CCSER1: variants seen among roughly 807,000 people sequenced by gnomAD.
CCSER1 encodes the protein coiled-coil serine rich protein 1.
In CCSER1, 41 loss-of-function variants were observed where a neutral mutation model predicts 82.0. The ratio of observed to expected loss-of-function variants is 0.50; its 90% CI spans 0.39 to 0.65. CCSER1 has a LOEUF of 0.65. Ranked by LOEUF, CCSER1 falls within the 30% of genes least tolerant of loss-of-function variation. The pLI is 0.00. For missense variants in CCSER1, 1,119 were observed against 1,064.2 expected (o/e 1.05, Z -0.72); for synonymous variants, 414 against 383.9 (o/e 1.08, Z -0.92).
intron 10 of CCSER1, among the ~76,000 whole-genome samples, chr4:91,246,474 T>C (rs1034891837): frequency 2.6e-5 from 4 of 152,264 alleles, no homozygotes; most frequent in South Asian, 2.1e-4. Context: ...GCAAGAAGAC[T>C]GGAGATTCCT....
intron 8 of CCSER1, among the ~76,000 whole-genome samples, chr4:90,842,318 T>G (rs780221442): frequency 2.9e-4 from 44 of 152,242 alleles, no homozygotes; most frequent in Non-Finnish European, 5.7e-4. Flanking sequence ...GGTTTTTGTA[T>G]GCTCAAATTT....
intron 10 of CCSER1, among the ~76,000 whole-genome samples, chr4:91,162,029 C>T (rs926856437): frequency 2.6e-5 from 4 of 152,134 alleles, no homozygotes; most frequent in Non-Finnish European, 5.9e-5. Context: ...AAAGGGAATG[C>T]TTGCAGTTTT....
At chr4:90,760,393 A>T (rs571592947) in intron 7 of CCSER1, among the ~76,000 whole-genome samples, 5 of 152,034 alleles carry the variant, frequency 3.3e-5, no homozygotes, top group Non-Finnish European at 7.4e-5. Context: ...AGTCTTCTTC[A>T]GTAATGTTAA....
chr4:90,426,562 T>C (rs1404926633), intron 4 of CCSER1, among the ~76,000 whole-genome samples: 1 of 152,016 alleles, frequency 6.6e-6, no homozygotes, highest in Non-Finnish European at 1.5e-5. Flanking sequence ...TGAAAAACAA[T>C]AGAAGGTGGT....
chr4:90,363,503 A>G (rs940853496), intron 3 of CCSER1, among the ~76,000 whole-genome samples: 1 of 152,038 alleles, frequency 6.6e-6, no homozygotes, highest in Non-Finnish European at 1.5e-5. Flanking sequence ...CCTGACTTTA[A>G]GTGCACTCAT....
chr4:90,350,991 T>C (rs1163888965), intron 3 of CCSER1, among the ~76,000 whole-genome samples: 1 of 152,068 alleles, frequency 6.6e-6, no homozygotes, highest in East Asian at 1.9e-4. Flanking sequence ...TTATGACAAA[T>C]GACTTATAGT....
chr4:90,746,722 T>A (rs540584580), intron 7 of CCSER1, among the ~76,000 whole-genome samples: 38 of 152,360 alleles, frequency 2.5e-4, no homozygotes, highest in African/African-American at 8.7e-4. Flanking sequence ...ATAAATATTA[T>A]CTTTTTCAAG....
At chr4:91,193,943 T>C (rs1052372285) in intron 10 of CCSER1, among the ~76,000 whole-genome samples, 1 of 152,158 alleles carries the variant, frequency 6.6e-6, no homozygotes, top group Non-Finnish European at 1.5e-5. Context: ...AGAACCCACA[T>C]ATATGATTCC....
At chr4:90,433,193 A>C (rs954516025) in intron 4 of CCSER1, among the ~76,000 whole-genome samples, 1 of 152,106 alleles carries the variant, frequency 6.6e-6, no homozygotes, top group South Asian at 2.1e-4. Flanking sequence ...ATTTTTGTGC[A>C]TTAGCGCCCC....
intron 1 of CCSER1, among the ~76,000 whole-genome samples, chr4:90,185,718 T>C (rs1402513244): frequency 1.3e-5 from 2 of 152,096 alleles, no homozygotes; most frequent in South Asian, 2.1e-4. Context: ...GAATACAGTA[T>C]ATAAATCTCT....
chr4:90,505,720 C>T (rs901997335), intron 5 of CCSER1, among the ~76,000 whole-genome samples: 1 of 152,158 alleles, frequency 6.6e-6, no homozygotes, highest in African/African-American at 2.4e-5. Flanking sequence ...TGCCTTGGCA[C>T]TGATGGGAGT....
At chr4:91,387,856 A>G (rs1344709042) in intron 10 of CCSER1, among the ~76,000 whole-genome samples, 1 of 152,116 alleles carries the variant, frequency 6.6e-6, no homozygotes, top group African/African-American at 2.4e-5. Flanking sequence ...AACTTAAAAG[A>G]CAGGTAATTC....
chr4:91,127,766 C>T (rs1298619437), intron 10 of CCSER1, among the ~76,000 whole-genome samples: 2 of 151,996 alleles, frequency 1.3e-5, no homozygotes, highest in African/African-American at 4.8e-5. Context: ...CATGACTAAT[C>T]GAAGAATTAG....
At chr4:90,358,646 G>C (rs1429475195) in intron 3 of CCSER1, among the ~76,000 whole-genome samples, 1 of 152,058 alleles carries the variant, frequency 6.6e-6, no homozygotes, top group Non-Finnish European at 1.5e-5. Flanking sequence ...TACAAAATAT[G>C]AGTTATATTA....
At chr4:90,930,910 TTATA>T (rs70963098) in intron 9 of CCSER1, among the ~76,000 whole-genome samples, 12,350 of 109,554 alleles carry the variant, frequency 0.11, 626 homozygotes, top group East Asian at 0.19. Flanking sequence ...TATCCTTATT[TTATA>T]TATATATATA....
chr4:90,717,623 A>G (rs1049283401), intron 6 of CCSER1, among the ~76,000 whole-genome samples: 12 of 152,146 alleles, frequency 7.9e-5, no homozygotes, highest in Middle Eastern at 3.4e-3. Context: ...AGCACCCTGG[A>G]TTGGAGGAGT....
At chr4:90,803,179 T>C (rs992536275) in intron 7 of CCSER1, among the ~76,000 whole-genome samples, 1 of 151,948 alleles carries the variant, frequency 6.6e-6, no homozygotes, top group South Asian at 2.1e-4. Context: ...TTAGAAATTA[T>C]TATTTGTTTT....
intron 6 of CCSER1, among the ~76,000 whole-genome samples, chr4:90,711,512 C>T (rs1740607591): frequency 1.3e-5 from 2 of 152,034 alleles, no homozygotes; most frequent in Admixed American, 1.3e-4. Context: ...TCATTCAATA[C>T]TTAGTTTATT....
intron 1 of CCSER1, among the ~76,000 whole-genome samples, chr4:90,152,931 A>T (rs1238364379): frequency 2.6e-5 from 4 of 151,146 alleles, no homozygotes; most frequent in Non-Finnish European, 5.9e-5. Flanking sequence ...CATGTGCACA[A>T]TGTGCAGGTT....
Sources: allele counts gnomAD v4.1 joint callset (sites outside exome capture counted in the v4.1 genomes callset), GRCh38; gene constraint gnomAD v4.1.1; transcripts MANE v1.5; gene names NCBI Gene and HGNC (gene_info 2026-07-23, HGNC 2026-07-21).